ZNF385D: variants seen among roughly 807,000 people sequenced by gnomAD.
ZNF385D encodes the protein zinc finger protein 385D, also known as zinc finger protein 659.
ZNF385D carries 15 observed loss-of-function variants against 35.8 expected under a neutral mutation model. The ratio of observed to expected loss-of-function variants is 0.42; its 90% CI spans 0.28 to 0.64. ZNF385D has a LOEUF of 0.64. Ranked by LOEUF, ZNF385D falls within the 30% of genes least tolerant of loss-of-function variation. The pLI is 0.23. For missense variants in ZNF385D, 474 were observed against 494.6 expected (o/e 0.96, Z 0.39); for synonymous variants, 212 against 186.8 (o/e 1.13, Z -1.10).
chr3:22,243,294 G>T (rs1283795501), intron 2 of ZNF385D, among the ~76,000 whole-genome samples: 1 of 150,948 alleles, frequency 6.6e-6, no homozygotes, highest in Non-Finnish European at 1.5e-5. Context: ...TTGGCCATTA[G>T]GTAAATGGAA....
intron 3 of ZNF385D, among the ~76,000 whole-genome samples, chr3:22,164,515 C>A (rs930062034): frequency 6.6e-6 from 1 of 151,856 alleles, no homozygotes; most frequent in East Asian, 1.9e-4. Context: ...GCATGAGCCA[C>A]CATACCCGGC....
chr3:22,274,028 A>G (rs1399611780), intron 2 of ZNF385D, among the ~76,000 whole-genome samples: 2 of 152,022 alleles, frequency 1.3e-5, no homozygotes, highest in Non-Finnish European at 2.9e-5. Flanking sequence ...GAGTTTTAGT[A>G]AGCATATAAA....
intron 3 of ZNF385D, among the ~76,000 whole-genome samples, chr3:21,798,632 A>T (rs9863511): frequency 0.017 from 2,550 of 152,202 alleles, 78 homozygotes; most frequent in African/African-American, 0.058. Context: ...TTATATCTGT[A>T]AAATTTTTTC....
intron 3 of ZNF385D, among the ~76,000 whole-genome samples, chr3:22,045,363 G>C (rs997356586): frequency 6.6e-6 from 1 of 152,084 alleles, no homozygotes; most frequent in Admixed American, 6.6e-5. Flanking sequence ...CCAGTAAAGA[G>C]CTAAAGGAGA....
rs11926272 is a variant in ZNF385D, at chr3:22,170,966, G to A, written c.107-1931C>T. On this transcript the variant is annotated intron_variant, in intron 2 of 5. Coordinates refer to the ZNF385D transcript ENST00000494108. ...AACCAAAAATAAGATGTAAATTTAC[G>A]TAGAGTATATTTACTACCATATGAA... Among the ~76,000 whole-genome samples, 877 of 152,212 alleles carry A rather than the reference G, an allele frequency of 5.8e-3. 14 individuals carry two copies. The highest frequency in any genetic ancestry group is 0.019 in the African/African-American group (808 of 41,542).
intron 3 of ZNF385D, among the ~76,000 whole-genome samples, chr3:21,545,509 T>A (rs777006013): frequency 6.6e-6 from 1 of 152,222 alleles, no homozygotes; most frequent in Non-Finnish European, 1.5e-5. Context: ...ACTCCTGTGA[T>A]CAGAATTTGG....
At chr3:21,864,990 C>CTT (rs3073906) in intron 3 of ZNF385D, among the ~76,000 whole-genome samples, 8,619 of 112,114 alleles carry the variant, frequency 0.077, 688 homozygotes, top group East Asian at 0.23. Flanking sequence ...TGGAACAATG[C>CTT]TTTTTTTTTT....
intron 3 of ZNF385D, among the ~76,000 whole-genome samples, chr3:22,100,516 G>T (rs889728320): frequency 1.3e-5 from 2 of 152,060 alleles, no homozygotes; most frequent in East Asian, 1.9e-4. Context: ...AAAAAAGGAT[G>T]AGTTCATGAC....
chr3:21,826,484 G>T (rs1575729112), intron 3 of ZNF385D, among the ~76,000 whole-genome samples: 1 of 152,180 alleles, frequency 6.6e-6, no homozygotes, highest in Non-Finnish European at 1.5e-5. Context: ...AGTTGTTGAT[G>T]TCTAAACAAT....
intron 3 of ZNF385D, among the ~76,000 whole-genome samples, chr3:21,765,477 T>C (rs1012507504): frequency 6.6e-6 from 1 of 152,090 alleles, no homozygotes; most frequent in Non-Finnish European, 1.5e-5. Context: ...CCATGACTTG[T>C]GTGGCCTAGC....
chr3:21,993,555 C>CTCATTAATGCAT (rs1695277153), intron 3 of ZNF385D, among the ~76,000 whole-genome samples: 1 of 152,140 alleles, frequency 6.6e-6, no homozygotes, highest in Non-Finnish European at 1.5e-5. Flanking sequence ...TTTGATTAAA[C>CTCATTAATGCAT]TATGCATTAA....
chr3:22,181,279 G>T (rs992557570), intron 2 of ZNF385D, among the ~76,000 whole-genome samples: 1 of 151,810 alleles, frequency 6.6e-6, no homozygotes, highest in African/African-American at 2.4e-5. Flanking sequence ...GAAAATTTAC[G>T]CATCCTAACA....
chr3:21,542,749 G>A (rs2062218430), intron 3 of ZNF385D: 1 of 152,186 alleles, frequency 6.6e-6, no homozygotes, highest in African/African-American at 2.4e-5. Context: ...CTTCCTGTGT[G>A]GAACCTGCGA....
intron 4 of ZNF385D, among the ~76,000 whole-genome samples, chr3:21,440,226 A>G (rs2125243385): frequency 6.6e-6 from 1 of 152,256 alleles, no homozygotes; most frequent in Admixed American, 6.5e-5. Context: ...TACCAGTTAT[A>G]AATAATTATT....
At chr3:21,909,063 G>T (rs539530395) in intron 3 of ZNF385D, among the ~76,000 whole-genome samples, 1 of 152,028 alleles carries the variant, frequency 6.6e-6, no homozygotes, top group East Asian at 1.9e-4. Context: ...TTCTCTGAAG[G>T]TCTAAACAAC....
At chr3:22,129,217 T>C (rs1184833925) in intron 3 of ZNF385D, among the ~76,000 whole-genome samples, 1 of 152,170 alleles carries the variant, frequency 6.6e-6, no homozygotes, top group Non-Finnish European at 1.5e-5. Flanking sequence ...CTGAGCTACC[T>C]AGAGCTGGAG....
chr3:22,197,528 A>C (rs1198135524), intron 2 of ZNF385D, among the ~76,000 whole-genome samples: 1 of 152,092 alleles, frequency 6.6e-6, no homozygotes, highest in Non-Finnish European at 1.5e-5. Flanking sequence ...ACAATTTATA[A>C]ACTACTCCAG....
chr3:21,542,962 A>G (rs1175199043), intron 3 of ZNF385D: 1 of 153,110 alleles, frequency 6.5e-6, no homozygotes, highest in Non-Finnish European at 1.5e-5. Flanking sequence ...GTCCTGCAAC[A>G]TTCTTGGCGT....
In ZNF385D at chr3:21,587,077, G is replaced by T. The variant is rs1575258129; in HGVS notation, c.166-22393C>A. On this transcript the variant is annotated intron_variant, in intron 2 of 7. Coordinates refer to ENST00000281523, the MANE Select transcript of ZNF385D (RefSeq NM_024697.3). The stretch of plus-strand genomic sequence containing the variant: ...AACGTTTAAAATTTTGGTATGAATG[G>T]AGAATAGTATATCTGGAAGAGATGA... Among the ~76,000 whole-genome samples, 3 of 152,228 alleles carry T rather than the reference G, an allele frequency of 2.0e-5. No individual in the cohort carries two copies. The East Asian group carries it at 5.8e-4, about 29-fold the overall frequency.
Sources: gnomAD v4.1 joint callset for allele counts (sites outside exome capture counted in the v4.1 genomes callset) on GRCh38, gnomAD v4.1.1 for gene constraint, MANE v1.5 for transcripts, NCBI Gene and HGNC (gene_info 2026-07-23, HGNC 2026-07-21) for gene names.